MAD1L1: variants seen among roughly 807,000 people sequenced by gnomAD.
The protein encoded by MAD1L1 is mitotic arrest deficient 1 like 1.
MAD1L1 carries 95 observed loss-of-function variants against 96.9 expected under a neutral mutation model. The observed-to-expected ratio is 0.98, with a 90% CI of 0.83 to 1.16. The LOEUF (loss-of-function observed/expected upper bound fraction) is 1.16. MAD1L1 is among the 50% of genes most tolerant of loss of function. The pLI is 0.00. For missense variants in MAD1L1, 1,007 were observed against 954.4 expected (o/e 1.06, Z -0.73); for synonymous variants, 473 against 396.6 (o/e 1.19, Z -2.29).
chr7:1,868,259 C>A (rs567797236), intron 18 of MAD1L1, among the ~76,000 whole-genome samples: 110 of 152,318 alleles, frequency 7.2e-4, no homozygotes, highest in Admixed American at 1.4e-3. Context: ...TAACCGAAAT[C>A]AGTTAGAACT....
intron 12 of MAD1L1, among the ~76,000 whole-genome samples, chr7:2,056,324 G>A (rs1186247677): frequency 6.6e-6 from 1 of 152,192 alleles, no homozygotes; most frequent in East Asian, 1.9e-4. Flanking sequence ...AGAGGGGTGT[G>A]GAGCAGAAGA....
At position 2,227,663 on chromosome 7, in the gene MAD1L1, C is replaced by T. The variant is rs561568086; in HGVS notation, c.151-2113G>A. Among the ~76,000 whole-genome samples, 22 of 152,372 alleles carry T rather than the reference C, an allele frequency of 1.4e-4. No homozygotes were observed. The South Asian group carries it at 4.1e-3, about 29-fold the overall frequency. ...TGTTCTCTGGTGGCCCAAGCCCACA[C>T]TTCCTTTACTCCTATGTTACTGTGT... On this transcript the variant is annotated intron_variant, in intron 3 of 18. Transcript: ENST00000265854.
chr7:1,928,977 G>A (rs549835093), intron 17 of MAD1L1, among the ~76,000 whole-genome samples: 1 of 152,272 alleles, frequency 6.6e-6, no homozygotes, highest in Admixed American at 6.5e-5. Context: ...GAGGACACGC[G>A]CCGATACAGA....
intron 17 of MAD1L1, among the ~76,000 whole-genome samples, chr7:1,905,237 G>C (rs1365751924): frequency 2.0e-5 from 2 of 98,634 alleles, no homozygotes; most frequent in African/African-American, 6.8e-5. Flanking sequence ...CACTGTTCCA[G>C]GCAGCGAGGA....
chr7:1,912,651 A>T (rs935650555), intron 17 of MAD1L1, among the ~76,000 whole-genome samples: 1 of 152,098 alleles, frequency 6.6e-6, no homozygotes, highest in Admixed American at 6.6e-5. Flanking sequence ...CACCAGCTCC[A>T]GGCAGACCCA....
At chr7:2,029,161 C>G (rs551068377) in intron 12 of MAD1L1, among the ~76,000 whole-genome samples, 3 of 152,262 alleles carry the variant, frequency 2.0e-5, no homozygotes, top group Non-Finnish European at 4.4e-5. Flanking sequence ...AAATACCTAA[C>G]AAAAGATGAT....
chr7:2,037,199 A>T (rs1648326273), intron 12 of MAD1L1, among the ~76,000 whole-genome samples: 1 of 148,986 alleles, frequency 6.7e-6, no homozygotes, highest in Non-Finnish European at 1.5e-5. Context: ...TCTTCTTAAT[A>T]GACTCTTCTT....
chr7:1,910,299 C>G lies in MAD1L1; in HGVS notation c.1808-11909G>C, dbSNP rs566447933. On this transcript the variant is annotated intron_variant, in intron 17 of 18. Transcript: ENST00000265854. ...TGTCAGTGATCCTCCGGACACCCTG[C>G]ATATGTGGGGGGACGTGGCACCTGC... 2.0e-5 allele frequency among the ~76,000 whole-genome samples: 3 copies of G among 152,306 alleles called. No individual in the cohort carries two copies. The East Asian group carries it at 5.8e-4, about 29-fold the overall frequency.
At position 2,215,964 on chromosome 7, in the gene MAD1L1, T is replaced by A; in HGVS notation, c.845A>T (p.Glu282Val). The change falls in exon 9 of 19, where the codon GAG becomes GTG. Residue 282 changes from glutamate (E) to valine (V), a missense_variant. Physicochemically the swap from Glu to Val is moderately radical, Grantham distance 121. Coordinates refer to ENST00000265854, the MANE Select transcript of MAD1L1 (RefSeq NM_001013836.2). ...MRETNGLLQEELEGLQRKLGR... is the reference protein window; with the variant it reads ...MRETNGLLQEVLEGLQRKLGR... Reference sequence around the variant, plus strand: ...CAGCTTCCTCTGCAGCCCTTCCAGCTCTTCCTGGAGCAGCCCGTTGGTCTC... The same window carrying A: ...CAGCTTCCTCTGCAGCCCTTCCAGCACTTCCTGGAGCAGCCCGTTGGTCTC... The A allele has an allele frequency of 6.2e-7, 1 of 1,614,148 alleles. No homozygotes were observed. Among genetic ancestry groups the A allele is most frequent in the African/African-American group, 1.3e-5 (1 of 75,038 alleles).
At chr7:2,174,158 T>C (rs1304184469) in intron 10 of MAD1L1, among the ~76,000 whole-genome samples, 3 of 152,180 alleles carry the variant, frequency 2.0e-5, no homozygotes, top group Non-Finnish European at 2.9e-5. Flanking sequence ...CAAATCTCCA[T>C]TGTGCCTTTA....
At chr7:2,083,815 C>A (rs777215946) in intron 11 of MAD1L1, among the ~76,000 whole-genome samples, 9 of 152,354 alleles carry the variant, frequency 5.9e-5, no homozygotes, top group South Asian at 4.1e-4. Context: ...CAGGAGCGCC[C>A]GTTCCCATCT....
intron 11 of MAD1L1, among the ~76,000 whole-genome samples, chr7:2,080,242 T>G (rs891443933): frequency 2.6e-5 from 4 of 152,222 alleles, no homozygotes; most frequent in African/African-American, 9.7e-5. Context: ...TGCTTTCCTG[T>G]GACAGAGCCC....
At chr7:2,150,213 C>T (rs1789502572) in intron 10 of MAD1L1, among the ~76,000 whole-genome samples, 1 of 152,184 alleles carries the variant, frequency 6.6e-6, no homozygotes, top group South Asian at 2.1e-4. Context: ...TCAGCCAGGC[C>T]CCCAGAGCAG....
At chr7:2,051,479 A>G (rs1784166262) in intron 12 of MAD1L1, among the ~76,000 whole-genome samples, 1 of 152,172 alleles carries the variant, frequency 6.6e-6, no homozygotes, top group Admixed American at 6.5e-5. Context: ...TCCTTCAGGA[A>G]GAGCCACGTG....
intron 17 of MAD1L1, among the ~76,000 whole-genome samples, chr7:1,905,906 C>T (rs770178985): frequency 1.3e-5 from 2 of 152,010 alleles, no homozygotes; most frequent in Non-Finnish European, 2.9e-5. Flanking sequence ...AAAAATTAGC[C>T]GGACGTGGTG....
At chr7:1,943,230 A>C (rs952427327) in intron 16 of MAD1L1, among the ~76,000 whole-genome samples, 1 of 152,258 alleles carries the variant, frequency 6.6e-6, no homozygotes. Context: ...CTTAGCCCAA[A>C]GCACAAAGAA....
At chr7:2,056,838 C>A (rs1266049457) in intron 12 of MAD1L1, among the ~76,000 whole-genome samples, 1 of 152,224 alleles carries the variant, frequency 6.6e-6, no homozygotes, top group Non-Finnish European at 1.5e-5. Context: ...AGCCCCTGGT[C>A]TTCCCACTGC....
intron 10 of MAD1L1, among the ~76,000 whole-genome samples, chr7:2,202,925 A>C (rs755539859): frequency 2.6e-5 from 4 of 152,126 alleles, no homozygotes; most frequent in Non-Finnish European, 5.9e-5. Context: ...TTTTGGGAAA[A>C]TGTCCAGGTC....
intron 18 of MAD1L1, among the ~76,000 whole-genome samples, chr7:1,836,553 T>C (rs1782945566): frequency 1.3e-5 from 2 of 152,210 alleles, no homozygotes; most frequent in South Asian, 2.1e-4. Flanking sequence ...ATGCCTCTGA[T>C]ACCCGCACAC....
Sources: allele counts gnomAD v4.1 joint callset (sites outside exome capture counted in the v4.1 genomes callset), GRCh38; gene constraint gnomAD v4.1.1; transcripts MANE v1.5; gene names NCBI Gene and HGNC (gene_info 2026-07-23, HGNC 2026-07-21).